The following PGM2L1 variants were observed in gnomAD, a reference collection of about 807,000 sequenced individuals.
PGM2L1 encodes the protein phosphoglucomutase 2 like 1.
PGM2L1 carries 35 observed loss-of-function variants against 73.4 expected under a neutral mutation model. The observed-to-expected ratio is 0.48, with a 90% CI of 0.36 to 0.63. The LOEUF (loss-of-function observed/expected upper bound fraction) is 0.63. PGM2L1 is among the 30% of genes least tolerant of loss of function. PGM2L1 has a pLI of 0.00. For synonymous variants in PGM2L1, 225 were observed against 253.8 expected (o/e 0.89, Z 1.08); for missense variants, 570 against 742.0 (o/e 0.77, Z 2.69).
intron 1 of PGM2L1, among the ~76,000 whole-genome samples, chr11:74,383,824 A>ATATATAT (rs1862982924): frequency 1.6e-5 from 2 of 121,836 alleles, no homozygotes; most frequent in African/African-American, 7.0e-5. Context: ...TATATAAATA[A>ATATATAT]ATATATATAT....
intron 1 of PGM2L1, among the ~76,000 whole-genome samples, chr11:74,389,186 G>T (rs548892034): frequency 1.7e-4 from 26 of 152,122 alleles, no homozygotes; most frequent in Non-Finnish European, 3.4e-4. Flanking sequence ...GATCACTTGA[G>T]CCCAGGAGGC....
chr11:74,398,144 C>G lies in PGM2L1; in HGVS notation c.18G>C (p.Glu6Asp). The G allele has an allele frequency of 1.2e-6, 2 of 1,611,980 alleles. No individual in the cohort carries two copies. The highest frequency in any genetic ancestry group is 1.7e-6 in the Non-Finnish European group (2 of 1,178,824). ...GGAGCAGGTTGGAGTTCAGATCCCC[C>G]TCTGTGTTTTCAGCCATGGCGACCA... MAENT[E>D]GDLNSNLLHA... is the part of the protein sequence containing the mutation. Residue 6 changes from glutamate to aspartate, a missense_variant, in exon 1 of 14, where the codon GAG (glutamate) becomes GAC (aspartate). Coordinates refer to ENST00000298198, the MANE Select transcript of PGM2L1 (RefSeq NM_173582.6).
In PGM2L1 at chr11:74,367,108, A is replaced by G. The variant is rs77689172; in HGVS notation, c.555+1384T>C. Among the ~76,000 whole-genome samples, 29 of 152,304 alleles carry G rather than the reference A, an allele frequency of 1.9e-4. No homozygotes were observed. The East Asian group carries it at 5.6e-3, about 29-fold the overall frequency. ...AAATGTTAGGGAAAGGAAGTAATAA[A>G]AAATGATCCTTGGTTTTTGTTTGGG... is the stretch of plus-strand genomic sequence containing the variant. On this transcript the variant is annotated intron_variant, in intron 5 of 13. Transcript: ENST00000298198.
chr11:74,365,581 C>T (rs1221732541), intron 5 of PGM2L1, among the ~76,000 whole-genome samples: 1 of 152,158 alleles, frequency 6.6e-6, no homozygotes, highest in Admixed American at 6.5e-5. Flanking sequence ...CAAAAGAAGA[C>T]ATTTATGCAG....
At chr11:74,371,845 T>C in intron 2 of PGM2L1, 28 bp from the exon 3 acceptor site, 2 of 1,502,424 alleles carry the variant, frequency 1.3e-6, no homozygotes, top group Non-Finnish European at 1.9e-6. Context: ...AAAAGATTAG[T>C]TCTAATGGAT....
chr11:74,367,760 C>T (rs1862683740), intron 5 of PGM2L1, among the ~76,000 whole-genome samples: 1 of 152,212 alleles, frequency 6.6e-6, no homozygotes, highest in Admixed American at 6.5e-5. Context: ...TTGACCCAAA[C>T]ACCTTGAACT....
chr11:74,380,497 GATTT>G (rs200689787), intron 1 of PGM2L1, among the ~76,000 whole-genome samples: 1,858 of 152,084 alleles, frequency 0.012, 34 homozygotes, highest in African/African-American at 0.042. Context: ...TATAAAATGA[GATTT>G]ATTTGAATAA....
chr11:74,370,986 C>A lies in PGM2L1; in HGVS notation c.387G>T (p.Arg129Ser), dbSNP rs761465751. The change falls in exon 4 of 14, where the codon AGG becomes AGT. Residue 129 changes from arginine to serine, a missense_variant and splice_region_variant. By Grantham distance (110) the Arg-to-Ser change is moderately radical. Coordinates refer to ENST00000298198, the MANE Select transcript of PGM2L1 (RefSeq NM_173582.6). ...GQVTSSCSSQRLAKLTAAVLL... is the reference protein window; with the variant it reads ...GQVTSSCSSQSLAKLTAAVLL... ...AGACTGCAGCAGTGAGTTTAGCAAG[C>A]CTAAAAAAAGAGAGATTTAACTTAG... 1 of 1,608,938 alleles carries A rather than the reference C, an allele frequency of 6.2e-7. No individual in the cohort carries two copies. Among genetic ancestry groups the A allele is most frequent in the Admixed American group, 1.7e-5 (1 of 59,662 alleles).
In PGM2L1 at chr11:74,336,741, G is replaced by A. The variant is rs1293542953; in HGVS notation, c.1780C>T (p.Leu594=). ...ASPDQSDTAL[L]EEELKKLIDA... ...ATGAGTTTCTTCAGTTCTTCCTCCA[G>A]TAAAGCAGTGTCACTGAGGAAAAGA... is the stretch of plus-strand genomic sequence containing the variant. The change falls in exon 14 of 14, where the codon CTG becomes TTG. Residue 594 remains leucine, a synonymous_variant. Coordinates refer to ENST00000298198, the MANE Select transcript of PGM2L1 (RefSeq NM_173582.6). The A allele has an allele frequency of 8.7e-6, 14 of 1,604,802 alleles. No homozygotes were observed. Among genetic ancestry groups the A allele is most frequent in the African/African-American group, 5.4e-5 (4 of 74,556 alleles).
Position 74,347,215 on chromosome 11 carries a change from T to G in PGM2L1, c.872A>C (p.Gln291Pro). Reference sequence around the variant, plus strand: ...AGAAAAGTCTGGATCAGGATCTTTTTGTTCTGGTACTGGAATTGGAGGCTT... The same window carrying G: ...AGAAAAGTCTGGATCAGGATCTTTTGGTTCTGGTACTGGAATTGGAGGCTT... Reference protein sequence around the residue: ...GFKPPIPVPEQKDPDPDFSTV... With the variant: ...GFKPPIPVPEPKDPDPDFSTV... Residue 291 changes from glutamine to proline, a missense_variant, in exon 7 of 14, where the codon CAA (glutamine) becomes CCA (proline). By Grantham distance (76) the Gln-to-Pro change is moderately conservative (BLOSUM62 -1). Coordinates refer to ENST00000298198, the MANE Select transcript of PGM2L1 (RefSeq NM_173582.6). 2 of 1,612,324 alleles carry G rather than the reference T, an allele frequency of 1.2e-6. No homozygotes were observed. The highest frequency in any genetic ancestry group is 1.7e-6 in the Non-Finnish European group (2 of 1,179,100).
chr11:74,376,275 G>A (rs1270981763), intron 1 of PGM2L1, among the ~76,000 whole-genome samples: 1 of 152,070 alleles, frequency 6.6e-6, no homozygotes, highest in East Asian at 1.9e-4. Flanking sequence ...GTATCACTGA[G>A]GTGGCATTGG....
intron 5 of PGM2L1, chr11:74,355,842 C>T (rs966562077): frequency 1.4e-5 from 6 of 432,440 alleles, no homozygotes; most frequent in Middle Eastern, 7.3e-4. Context: ...GGCCTAGCTG[C>T]GACAAGACAT....
At chr11:74,393,716 C>T (rs576323782) in intron 1 of PGM2L1, among the ~76,000 whole-genome samples, 29 of 152,330 alleles carry the variant, frequency 1.9e-4, no homozygotes, top group African/African-American at 6.7e-4. Context: ...CCTGCCTCCA[C>T]ATCGTTGTTG....
At position 74,398,102 on chromosome 11, in the gene PGM2L1, G is replaced by A. The variant is rs1391019450; in HGVS notation, c.60C>T (p.Thr20=). The change falls in exon 1 of 14, where the codon ACC becomes ACT. Residue 20 remains threonine, a synonymous_variant. Transcript: ENST00000298198. ...NSNLLHAPYH[T]GDPQLDTAIG... is the part of the protein sequence containing the mutation. ...TGGCCGTGTCCAGCTGAGGGTCCCC[G>A]GTGTGGTAGGGGGCGTGGAGCAGGT... 2 of 1,613,060 alleles carry A rather than the reference G, an allele frequency of 1.2e-6. No individual in the cohort carries two copies. The highest frequency in any genetic ancestry group is 3.3e-5 in the Admixed American group (2 of 59,938).
intron 5 of PGM2L1, among the ~76,000 whole-genome samples, chr11:74,360,697 C>G (rs1862548848): frequency 6.6e-6 from 1 of 152,170 alleles, no homozygotes; most frequent in South Asian, 2.1e-4. Flanking sequence ...GGGTAACTCC[C>G]ACCCTAATAT....
At chr11:74,343,672 G>A (rs938786946) in intron 9 of PGM2L1, among the ~76,000 whole-genome samples, 5 of 151,808 alleles carry the variant, frequency 3.3e-5, no homozygotes, top group African/African-American at 4.8e-5. Context: ...TTTATAAGTG[G>A]TGCTTCATGT....
At position 74,330,716 on chromosome 11, in the gene PGM2L1, C is replaced by T. The variant is rs1388236630; in HGVS notation, c.*5936G>A. On this transcript the variant is annotated 3_prime_UTR_variant, in exon 14 of 14. Coordinates refer to ENST00000298198, the MANE Select transcript of PGM2L1 (RefSeq NM_173582.6). ...CCAAATAGGATCAAATTTGTTGTGA[C>T]TCACTTGGAAGGTAGTGCTACTAGG... is the stretch of plus-strand genomic sequence containing the variant. 1.3e-5 allele frequency: 2 copies of T among 152,550 alleles called. No homozygotes were observed. The highest frequency in any genetic ancestry group is 2.9e-5 in the Non-Finnish European group (2 of 68,030). The allele number at this position is 152,550 out of a possible 1,614,324, so 9.4% of individuals were successfully genotyped here. A position where few individuals can be genotyped will look rare whatever the true frequency, so the allele number is the denominator to read the frequency against.
At chr11:74,345,771 T>C in intron 8 of PGM2L1, 122 bp from the exon 9 acceptor site, 1 of 831,778 alleles carries the variant, frequency 1.2e-6, no homozygotes, top group Non-Finnish European at 1.9e-6. Flanking sequence ...ATGGGATTTT[T>C]GAGAAAACAT....
chr11:74,354,673 A>AGT, intron 5 of PGM2L1: 1 of 1,125,874 alleles, frequency 8.9e-7, no homozygotes, highest in East Asian at 2.3e-5. Context: ...AGGGCCACAC[A>AGT]AGGTGGATGG....
Sources: allele counts gnomAD v4.1 joint callset (sites outside exome capture counted in the v4.1 genomes callset), GRCh38; gene constraint gnomAD v4.1.1; transcripts MANE v1.5; gene names NCBI Gene and HGNC (gene_info 2026-07-23, HGNC 2026-07-21).